TCF4: variants seen among roughly 807,000 people sequenced by gnomAD.
The protein encoded by TCF4 is SL3-3 enhancer factor 2.
In TCF4, 3 loss-of-function variants were observed where a neutral mutation model predicts 82.1. The observed-to-expected ratio is 0.04, with a 90% CI of 0.02 to 0.09. The LOEUF is 0.09. Among genes scored for constraint, TCF4 ranks in the 10% least tolerant of loss-of-function variants. The pLI is 1.00. For synonymous variants in TCF4, 276 were observed against 309.6 expected (o/e 0.89, Z 1.14); for missense variants, 518 against 852.7 (o/e 0.61, Z 4.89).
intron 6 of TCF4, chr18:55,351,754 T>C: frequency 4.6e-6 from 3 of 649,214 alleles, no homozygotes; most frequent in South Asian, 7.0e-5. Flanking sequence ...TCAGAAAGAT[T>C]ATATAATATT....
intron 3 of TCF4, among the ~76,000 whole-genome samples, chr18:55,544,010 AAAAT>A (rs1174572679): frequency 6.6e-6 from 1 of 152,170 alleles, no homozygotes; most frequent in Non-Finnish European, 1.5e-5. Flanking sequence ...CCCAGAAGAA[AAAAT>A]AAAGAACAGC....
chr18:55,464,677 G>A (rs2095968041), intron 3 of TCF4, among the ~76,000 whole-genome samples: 1 of 151,862 alleles, frequency 6.6e-6, no homozygotes. Flanking sequence ...TATTAGGACT[G>A]AAACAAAACT....
chr18:55,389,128 A>T (rs1305044054), intron 6 of TCF4, among the ~76,000 whole-genome samples: 1 of 152,178 alleles, frequency 6.6e-6, no homozygotes, highest in Non-Finnish European at 1.5e-5. Flanking sequence ...TCCATCTCAA[A>T]AAATAAATAA....
intron 8 of TCF4, among the ~76,000 whole-genome samples, chr18:55,317,734 TAGAG>T (rs1296062093): frequency 6.6e-6 from 1 of 152,124 alleles, no homozygotes; most frequent in Non-Finnish European, 1.5e-5. Flanking sequence ...CTTCTAAGAA[TAGAG>T]AGTTTCCCAA....
intron 5 of TCF4, among the ~76,000 whole-genome samples, chr18:55,410,741 A>G (rs2094310694): frequency 6.6e-6 from 1 of 152,034 alleles, no homozygotes; most frequent in East Asian, 1.9e-4. Context: ...AGCAACAACC[A>G]TTGCCTTCTC....
intron 2 of TCF4, among the ~76,000 whole-genome samples, chr18:55,604,395 C>G (rs1260708179): frequency 6.6e-6 from 1 of 151,826 alleles, no homozygotes; most frequent in East Asian, 1.9e-4. Flanking sequence ...TTTTTTCTTC[C>G]TCTGGTGGGG....
At chr18:55,586,129 G>GAGA in intron 2 of TCF4, 1 of 1,401,868 alleles carries the variant, frequency 7.1e-7, no homozygotes, top group Non-Finnish European at 9.5e-7. Context: ...GGAGGAGGAG[G>GAGA]AGGAGAAGGA....
chr18:55,559,343 A>C, intron 3 of TCF4, among the ~76,000 whole-genome samples: 1 of 152,230 alleles, frequency 6.6e-6, no homozygotes, highest in East Asian at 1.9e-4. Flanking sequence ...GTTCCTGTAA[A>C]AGTGGAATAT....
intron 3 of TCF4, among the ~76,000 whole-genome samples, chr18:55,515,520 T>G (rs149043119): frequency 7.4e-4 from 113 of 152,284 alleles, no homozygotes; most frequent in Middle Eastern, 3.4e-3. Context: ...ATCAGTCTTC[T>G]GTGTTAAGAA....
chr18:55,586,761 AT>A (rs1482281238), intron 2 of TCF4, among the ~76,000 whole-genome samples: 1 of 150,058 alleles, frequency 6.7e-6, no homozygotes, highest in Non-Finnish European at 1.5e-5. Context: ...AGGGGTGTCT[AT>A]TTTTGCTTTC....
chr18:55,228,051 G>A, intron 19 of TCF4, 21 bp from the exon 20 acceptor site: 2 of 848,246 alleles, frequency 2.4e-6, no homozygotes, highest in South Asian at 1.8e-5. Flanking sequence ...AAAAAAGAGA[G>A]AAAAAATTCA....
chr18:55,527,081 A>T (rs2096993350), intron 3 of TCF4, among the ~76,000 whole-genome samples: 1 of 152,220 alleles, frequency 6.6e-6, no homozygotes, highest in Non-Finnish European at 1.5e-5. Flanking sequence ...TGTAAACAAT[A>T]AAGAAAGGAG....
In TCF4 at chr18:55,464,064, A is replaced by G. The variant is rs777056973; in HGVS notation, c.207+12T>C. 4 of 1,613,344 alleles carry G rather than the reference A, an allele frequency of 2.5e-6. No homozygotes were observed. The South Asian group carries it at 4.4e-5, about 18-fold the overall frequency. The stretch of plus-strand genomic sequence containing the variant: ...ATGTCTGGTTGTGGGAGAAAAGATT[A>G]GATATACTTACCCTGGACGGGCTTG... On this transcript the variant is annotated intron_variant, in intron 4 of 19. Coordinates refer to ENST00000354452, the MANE Select transcript of TCF4 (RefSeq NM_001083962.2).
chr18:55,583,387 C>T (rs1234958560), intron 3 of TCF4, among the ~76,000 whole-genome samples: 1 of 152,002 alleles, frequency 6.6e-6, no homozygotes, highest in Non-Finnish European at 1.5e-5. Context: ...GTCTTCAGAA[C>T]TGTGTAAGTG....
At chr18:55,407,948 A>G (rs1206824144) in intron 5 of TCF4, among the ~76,000 whole-genome samples, 2 of 152,194 alleles carry the variant, frequency 1.3e-5, no homozygotes, top group African/African-American at 4.8e-5. Flanking sequence ...GATACTTCTA[A>G]GAAGGATCAC....
intron 5 of TCF4, among the ~76,000 whole-genome samples, chr18:55,407,033 G>A (rs1248416368): frequency 2.0e-5 from 3 of 151,882 alleles, no homozygotes; most frequent in Non-Finnish European, 2.9e-5. Context: ...AAAACTAAAA[G>A]TACCCGTTAG....
chr18:55,525,666 A>C (rs375615466), intron 3 of TCF4, among the ~76,000 whole-genome samples: 2 of 152,300 alleles, frequency 1.3e-5, no homozygotes, highest in African/African-American at 4.8e-5. Flanking sequence ...TACATGATTA[A>C]AAAGGCTATC....
rs566680331 is a variant in TCF4, at chr18:55,360,885, C to T, written c.370-9882G>A. Among the ~76,000 whole-genome samples, 17 of 151,908 alleles carry T rather than the reference C, an allele frequency of 1.1e-4. No homozygotes were observed. The South Asian group carries it at 3.3e-3, about 30-fold the overall frequency. ...TGGGCTACAGGTGCATGCCACCATG[C>T]CCAGCTAATTTTTGTATTTTTAGTT... On this transcript the variant is annotated intron_variant, in intron 6 of 19. Transcript: ENST00000354452.
chr18:55,350,743 G>T, intron 7 of TCF4, 131 bp downstream of exon 7: 1 of 1,330,216 alleles, frequency 7.5e-7, no homozygotes, highest in South Asian at 1.3e-5. Context: ...TCTCCAGGCT[G>T]ACAACTGAGC....
Sources: gnomAD v4.1 joint callset for allele counts (sites outside exome capture counted in the v4.1 genomes callset) on GRCh38, gnomAD v4.1.1 for gene constraint, MANE v1.5 for transcripts, NCBI Gene and HGNC (gene_info 2026-07-23, HGNC 2026-07-21) for gene names.